The following HAGH variants were observed in gnomAD, a reference collection of about 807,000 sequenced individuals.
HAGH encodes hydroxyacylglutathione hydrolase, mitochondrial.
A neutral mutation model predicts 35.1 loss-of-function variants in HAGH; 29 were observed. The ratio of observed to expected loss-of-function variants is 0.83; its 90% confidence interval spans 0.62 to 1.13. The LOEUF (loss-of-function observed/expected upper bound fraction) is 1.13. Among genes scored for constraint, HAGH ranks in the 50% most tolerant of loss-of-function variants. The probability of loss-of-function intolerance (pLI) is 0.00; values close to 1 mark genes in which losing one functional copy is unlikely to be tolerated. For synonymous variants in HAGH, 225 were observed against 176.1 expected, an observed-to-expected ratio of 1.28 and a Z score of -2.20; for missense variants, 478 against 419.6, an observed-to-expected ratio of 1.14 and a Z score of -1.22.
At chr16:1,815,813 G>A (rs1897864323) in intron 7 of HAGH, among the ~76,000 whole-genome samples, 1 of 152,110 alleles carries the variant, frequency 6.6e-6, no homozygotes, top group Non-Finnish European at 1.5e-5. Flanking sequence ...GAAGTCAGGA[G>A]TTCAAGACGA....
rs368428250 is a variant in HAGH at position 1,809,272 on chromosome 16, G to A, written c.*11C>T. The stretch of plus-strand genomic sequence containing the variant: ...CCTAATCCCCAAATCCGCTGAAGGT[G>A]CAGGGCGGCCTCAGTCCCGGGGCAT... On this transcript the variant is annotated 3_prime_UTR_variant, in exon 9 of 9. Coordinates refer to ENST00000397356, the MANE Select transcript of HAGH (RefSeq NM_005326.6). 8.9e-6 allele frequency: 14 copies of A among 1,576,288 alleles called. No homozygotes were observed. The highest frequency in any genetic ancestry group is 1.7e-5 in the Admixed American group (1 of 58,170).
At chr16:1,814,921 A>T (rs1284111109) in intron 7 of HAGH, among the ~76,000 whole-genome samples, 3 of 88,826 alleles carry the variant, frequency 3.4e-5, no homozygotes. Context: ...ATAAATATAT[A>T]TATGTATATA....
chr16:1,822,140 G>A (rs970804522), intron 3 of HAGH, 160 bp downstream of exon 3: 25 of 617,902 alleles, frequency 4.0e-5, no homozygotes, highest in South Asian at 1.5e-4. Flanking sequence ...TTGCCCCTTG[G>A]GGGCTACGGT....
intron 3 of HAGH, among the ~76,000 whole-genome samples, chr16:1,820,256 C>G (rs1898095723): frequency 7.0e-6 from 1 of 142,218 alleles, no homozygotes; most frequent in Non-Finnish European, 1.5e-5. Context: ...TTACAAAGCA[C>G]CACCTGGTTC....
At chr16:1,817,118 G>A (rs779883184) in intron 6 of HAGH, 50 bp downstream of exon 6, 77 of 1,389,332 alleles carry the variant, frequency 5.5e-5, no homozygotes, top group Non-Finnish European at 6.3e-5. Flanking sequence ...GAGCAGCCCC[G>A]CCCTGGTTAA....
At chr16:1,826,425 C>T (rs1278028138) in intron 1 of HAGH, 13 of 388,510 alleles carry the variant, frequency 3.3e-5, no homozygotes, top group Non-Finnish European at 4.2e-5. Context: ...GGGCAGGACG[C>T]GATGCCCTGG....
At position 1,809,047 on chromosome 16, in the gene HAGH, C is replaced by T. The variant is rs1052184566; in HGVS notation, c.*236G>A. 2.9e-5 allele frequency: 14 copies of T among 480,906 alleles called. No individual in the cohort carries two copies. Among genetic ancestry groups the T allele is most frequent in the South Asian group, 3.5e-5 (1 of 28,344 alleles). The allele number at this position is 480,906 out of a possible 1,614,324, so 29.8% of individuals were successfully genotyped here. Reference sequence around the variant, plus strand: ...AGTGGCTCACGGAGGAGGAAGGAGGCCCGAGGGGACAAGCAGAGGCCTAAA... The same window carrying T: ...AGTGGCTCACGGAGGAGGAAGGAGGTCCGAGGGGACAAGCAGAGGCCTAAA... On this transcript the variant is annotated 3_prime_UTR_variant, in exon 9 of 9. Coordinates refer to ENST00000397356, the MANE Select transcript of HAGH (RefSeq NM_005326.6).
At chr16:1,826,450 CGGCCGGCCCAGCCCGAGCGTGGA>C (rs1898425160) in intron 1 of HAGH, 3 of 615,444 alleles carry the variant, frequency 4.9e-6, no homozygotes. Flanking sequence ...GTCAGGGGCG[CGGCCGGCCCAGCCCGAGCGTGGA>C]GGCCGCGGCG....
intron 7 of HAGH, among the ~76,000 whole-genome samples, chr16:1,815,940 T>A (rs1299796573): frequency 7.9e-6 from 1 of 126,062 alleles, no homozygotes; most frequent in African/African-American, 2.8e-5. Flanking sequence ...GAATTTTTTT[T>A]TTTTTTTTTT....
chr16:1,819,243 C>T lies in HAGH; in HGVS notation c.433-20G>A, dbSNP rs138115795. 1.1e-4 allele frequency: 171 copies of T among 1,502,102 alleles called. 1 individual carries two copies. The African/African-American group carries it at 2.0e-3, about 17-fold the overall frequency. The allele number at this position is 1,502,102 out of a possible 1,614,324, so 93.0% of individuals were successfully genotyped here. On this transcript the variant is annotated intron_variant, in intron 4 of 8. Coordinates refer to ENST00000397356, the MANE Select transcript of HAGH (RefSeq NM_005326.6). Reference sequence around the variant, plus strand: ...CCCCACCTTCAACAAAGCAGGCGACCGCGTGTGCTCCCAGACACCCTGGAG... The same window carrying T: ...CCCCACCTTCAACAAAGCAGGCGACTGCGTGTGCTCCCAGACACCCTGGAG...
At chr16:1,813,475 A>C (rs73485882) in intron 7 of HAGH, among the ~76,000 whole-genome samples, 14,205 of 152,280 alleles carry the variant, frequency 0.093, 820 homozygotes, top group African/African-American at 0.16. Context: ...CACTGTATTT[A>C]TAACTAGTAT....
At chr16:1,819,038 G>C (rs1055784265) in intron 5 of HAGH, 77 bp downstream of exon 5, 8 of 901,314 alleles carry the variant, frequency 8.9e-6, no homozygotes, top group African/African-American at 1.6e-5. Flanking sequence ...CCACGAAGCT[G>C]CCCCGTGAGC....
rs571519713 is a variant in HAGH, at chr16:1,808,167, G to C, written c.*1116C>G. 6 of 152,228 alleles carry C rather than the reference G, an allele frequency of 3.9e-5. No individual in the cohort carries two copies. Among genetic ancestry groups the C allele is most frequent in the Admixed American group, 2.6e-4 (4 of 15,264 alleles). 9.4% of individuals were successfully genotyped at this position (152,228 alleles called of 1,614,324 possible). ...CTGTTCCCCAAGCCAGAATGCAGTG[G>C]CACAAGCAATGCTCACTGCAGCCTT... On this transcript the variant is annotated 3_prime_UTR_variant, in exon 9 of 9. Transcript: ENST00000397356.
At chr16:1,827,064 C>A (rs563496689), upstream of HAGH, 3 of 974,756 alleles carry the variant, frequency 3.1e-6, no homozygotes, top group African/African-American at 1.6e-5. Context: ...TGGCACCGCA[C>A]AGTGGATCCC....
chr16:1,821,763 A>G (rs1898156263), intron 3 of HAGH: 1 of 152,226 alleles, frequency 6.6e-6, no homozygotes, highest in Non-Finnish European at 1.5e-5. Flanking sequence ...CCTCCCGAGT[A>G]GCTGAGATTA....
At chr16:1,811,877 T>C (rs115243939) in intron 7 of HAGH, among the ~76,000 whole-genome samples, 1 of 151,606 alleles carries the variant, frequency 6.6e-6, no homozygotes, top group African/African-American at 2.4e-5. Flanking sequence ...ACCCACGCAA[T>C]AGTATATTTT....
chr16:1,817,056 A>T, intron 6 of HAGH, 62 bp from the exon 7 acceptor site: 1 of 1,384,546 alleles, frequency 7.2e-7, no homozygotes, highest in Non-Finnish European at 1.0e-6. Flanking sequence ...GTCCTCAGGG[A>T]CGGGACCTGG....
In HAGH at chr16:1,822,906, T is replaced by A. The variant is rs774490727; in HGVS notation, c.208A>T (p.Thr70Ser). Residue 70 changes from threonine (T) to serine (S), a missense_variant, in exon 2 of 9, where the codon ACC becomes TCC. Transcript: ENST00000397356. ...GGATCCACAATGGCAGCCTCCTTGG[T>A]CTCATCATCAATGACCAGGTACATG... is the stretch of plus-strand genomic sequence containing the variant. ...NYMYLVIDDE[T>S]KEAAIVDPVQ... The A allele has an allele frequency of 6.2e-7, 1 of 1,613,822 alleles. No individual in the cohort carries two copies. Among genetic ancestry groups the A allele is most frequent in the African/African-American group, 1.3e-5 (1 of 75,030 alleles).
intron 1 of HAGH, among the ~76,000 whole-genome samples, chr16:1,824,050 C>T (rs187191741): frequency 9.9e-5 from 15 of 152,194 alleles, no homozygotes; most frequent in East Asian, 9.7e-4. Flanking sequence ...ACTGACTAAG[C>T]GAGCCTGCGT....
Sources: allele counts gnomAD v4.1 joint callset (sites outside exome capture counted in the v4.1 genomes callset), GRCh38; gene constraint gnomAD v4.1.1; transcripts MANE v1.5; gene names NCBI Gene and HGNC (gene_info 2026-07-23, HGNC 2026-07-21).